The following SERPINI1 variants were observed in gnomAD, a reference collection of about 807,000 sequenced individuals.
SERPINI1 encodes neuroserpin.
SERPINI1 carries 19 observed loss-of-function variants against 41.1 expected under a neutral mutation model. That is an observed-to-expected ratio of 0.46 (90% CI 0.32 to 0.68). The LOEUF (loss-of-function observed/expected upper bound fraction) is 0.68, where lower values mean the gene tolerates loss of function less well. Among genes scored for constraint, SERPINI1 ranks in the 30% least tolerant of loss-of-function variants. SERPINI1 has a pLI of 0.03. For missense variants in SERPINI1, 460 were observed against 479.2 expected, an observed-to-expected ratio of 0.96 and a Z score of 0.37; for synonymous variants, 138 against 156.6, an observed-to-expected ratio of 0.88 and a Z score of 0.89.
In SERPINI1 at chr3:167,789,287, T is replaced by G; in HGVS notation, c.159T>G (p.Ile53Met). 6.2e-7 allele frequency: 1 copy of G among 1,614,204 alleles called. No individual in the cohort carries two copies. The highest frequency in any genetic ancestry group is 8.5e-7 in the Non-Finnish European group (1 of 1,180,002). The change falls in exon 2 of 9, where the codon ATT becomes ATG. Residue 53 changes from isoleucine to methionine, a missense_variant. Physicochemically the swap from Ile to Met is conservative, Grantham distance 10. Coordinates refer to ENST00000446050, the MANE Select transcript of SERPINI1 (RefSeq NM_001122752.2). ...DENILFSPLS[I>M]ALAMGMMELG... ...ATATTCTCTTCTCTCCATTGAGTAT[T>G]GCTCTTGCAATGGGAATGATGGAAC...
At chr3:167,781,634 CTTTTTTTTTTTTT>C (rs757785091) in intron 1 of SERPINI1, among the ~76,000 whole-genome samples, 1 of 81,752 alleles carries the variant, frequency 1.2e-5, no homozygotes, top group Non-Finnish European at 2.4e-5. Context: ...TTCTTTTGGC[CTTTTTTTTTTTTT>C]TTTTTTTTTT....
intron 1 of SERPINI1, among the ~76,000 whole-genome samples, chr3:167,759,996 G>A (rs575221252): frequency 6.2e-4 from 95 of 152,252 alleles, no homozygotes; most frequent in Middle Eastern, 3.4e-3. Flanking sequence ...TATGCCACGT[G>A]TCCTTAGTTT....
intron 1 of SERPINI1, among the ~76,000 whole-genome samples, chr3:167,780,838 G>C (rs1046036866): frequency 1.3e-5 from 2 of 152,114 alleles, no homozygotes; most frequent in African/African-American, 4.8e-5. Flanking sequence ...ACTGTGAGAG[G>C]CAGGACCAAT....
At position 167,792,496 on chromosome 3, in the gene SERPINI1, A is replaced by G. The variant is rs531727198; in HGVS notation, c.482-94A>G. 64 of 996,742 alleles carry G rather than the reference A, an allele frequency of 6.4e-5. No individual in the cohort carries two copies. In the African/African-American group the frequency reaches 8.5e-4, roughly 13 times the overall value. The allele number at this position is 996,742 out of a possible 1,614,324, so 61.7% of individuals were successfully genotyped here. A position where few individuals can be genotyped will look rare whatever the true frequency, so the allele number is the denominator to read the frequency against. ...TAAATTTGGTGTACAGTTTCTCTGGACCACTCTATCAGATGGTGATTTGAA... is the reference window on the plus strand; with the variant it reads ...TAAATTTGGTGTACAGTTTCTCTGGGCCACTCTATCAGATGGTGATTTGAA... On this transcript the variant is annotated intron_variant, in intron 3 of 8. Coordinates refer to ENST00000446050, the MANE Select transcript of SERPINI1 (RefSeq NM_001122752.2).
At chr3:167,764,510 A>G (rs562694942) in intron 1 of SERPINI1, among the ~76,000 whole-genome samples, 3 of 152,256 alleles carry the variant, frequency 2.0e-5, no homozygotes, top group South Asian at 2.1e-4. Context: ...CCATGGTGCA[A>G]TTACCTCCTA....
At chr3:167,745,969 G>T (rs1725851592) in intron 1 of SERPINI1, among the ~76,000 whole-genome samples, 1 of 152,136 alleles carries the variant, frequency 6.6e-6, no homozygotes, top group South Asian at 2.1e-4. Flanking sequence ...ACTTAATATT[G>T]TTGGGATGGC....
intron 5 of SERPINI1, among the ~76,000 whole-genome samples, chr3:167,805,775 C>T (rs1711610548): frequency 6.6e-6 from 1 of 152,114 alleles, no homozygotes; most frequent in South Asian, 2.1e-4. Context: ...TCAGTTTTCG[C>T]AGCACCATTT....
intron 1 of SERPINI1, among the ~76,000 whole-genome samples, chr3:167,772,860 C>CTATATA (rs1577409622): frequency 2.1e-4 from 5 of 23,486 alleles, no homozygotes; most frequent in East Asian, 2.2e-3. Flanking sequence ...CTCTCTCTCT[C>CTATATA]TCTCTATATA....
intron 3 of SERPINI1, 95 bp downstream of exon 3, chr3:167,790,697 A>C: frequency 2.2e-6 from 2 of 930,126 alleles, no homozygotes; most frequent in Non-Finnish European, 3.4e-6. Context: ...TGCATTTTGA[A>C]TGTTTGAGAG....
chr3:167,784,440 T>G (rs62279565), intron 1 of SERPINI1, among the ~76,000 whole-genome samples: 19,181 of 152,122 alleles, frequency 0.13, 1,443 homozygotes, highest in African/African-American at 0.21. Flanking sequence ...GCTACATTAG[T>G]TGGGCAACAG....
intron 1 of SERPINI1, among the ~76,000 whole-genome samples, chr3:167,744,661 T>C (rs1725792142): frequency 8.2e-6 from 1 of 121,424 alleles, no homozygotes; most frequent in South Asian, 2.2e-4. Context: ...TATATAAATA[T>C]AAAAATATAT....
chr3:167,779,805 A>G (rs770794101), intron 1 of SERPINI1, among the ~76,000 whole-genome samples: 34 of 152,164 alleles, frequency 2.2e-4, no homozygotes, highest in Non-Finnish European at 4.1e-4. Flanking sequence ...ATTCAATAGT[A>G]CAGAAAAAAA....
At chr3:167,779,968 C>A (rs941801778) in intron 1 of SERPINI1, among the ~76,000 whole-genome samples, 1 of 152,084 alleles carries the variant, frequency 6.6e-6, no homozygotes, top group African/African-American at 2.4e-5. Flanking sequence ...TAGAATTAAA[C>A]CTCTTTGTAG....
chr3:167,789,181 G>C lies in SERPINI1; in HGVS notation c.53G>C (p.Gly18Ala), dbSNP rs577994777. The C allele has an allele frequency of 1.2e-6, 2 of 1,614,090 alleles. No individual in the cohort carries two copies. The highest frequency in any genetic ancestry group is 2.2e-5 in the South Asian group (2 of 91,074). Residue 18 changes from glycine (G) to alanine (A), a missense_variant, in exon 2 of 9, where the codon GGG (glycine) becomes GCG (alanine). Coordinates refer to ENST00000446050, the MANE Select transcript of SERPINI1 (RefSeq NM_001122752.2). Reference protein sequence around the residue: ...SLLVLQSMATGATFPEEAIAD... With the variant: ...SLLVLQSMATAATFPEEAIAD... ...CTGGTTCTGCAAAGTATGGCTACAG[G>C]GGCCACTTTCCCTGAGGAAGCCATT...
At chr3:167,793,623 C>A (rs1727607332) in intron 4 of SERPINI1, among the ~76,000 whole-genome samples, 1 of 141,334 alleles carries the variant, frequency 7.1e-6, no homozygotes, top group South Asian at 2.1e-4. Flanking sequence ...CATAATGGTA[C>A]ATACCTATAG....
At chr3:167,763,549 T>C (rs1247138509) in intron 1 of SERPINI1, among the ~76,000 whole-genome samples, 1 of 152,106 alleles carries the variant, frequency 6.6e-6, no homozygotes, top group Admixed American at 6.5e-5. Flanking sequence ...CCAGCTAATT[T>C]ATCTTGTATC....
At chr3:167,793,563 C>A (rs1727597742) in intron 4 of SERPINI1, among the ~76,000 whole-genome samples, 1 of 145,142 alleles carries the variant, frequency 6.9e-6, no homozygotes, top group African/African-American at 2.6e-5. Context: ...ACAGCAAGAC[C>A]CTTTCTCTAC....
intron 6 of SERPINI1, among the ~76,000 whole-genome samples, chr3:167,809,528 A>G (rs992026010): frequency 4.6e-5 from 7 of 152,222 alleles, no homozygotes; most frequent in African/African-American, 1.7e-4. Flanking sequence ...GTAATATTTA[A>G]TTGCCTTTGC....
rs1360374633 is a variant in SERPINI1 at position 167,773,584 on chromosome 3, T to C, written c.-18-15527T>C. Among the ~76,000 whole-genome samples, 3 of 152,216 alleles carry C rather than the reference T, an allele frequency of 2.0e-5. No individual in the cohort carries two copies. The East Asian group carries it at 5.8e-4, about 29-fold the overall frequency. On this transcript the variant is annotated intron_variant, in intron 1 of 8. Transcript: ENST00000446050. ...GCCTTTTTAAAATCTACTTATGTTT[T>C]AGTTGTTTGCCCACACTGCAATAAA...
Sources: gnomAD v4.1 joint callset for allele counts (sites outside exome capture counted in the v4.1 genomes callset) on GRCh38, gnomAD v4.1.1 for gene constraint, MANE v1.5 for transcripts, NCBI Gene and HGNC (gene_info 2026-07-23, HGNC 2026-07-21) for gene names.